Variants in COLEC10 observed in about 807,000 individuals in gnomAD.
COLEC10 encodes the protein collectin-10.
COLEC10 carries 22 observed loss-of-function variants against 28.4 expected under a neutral mutation model. The ratio of observed to expected loss-of-function variants is 0.78; its 90% CI spans 0.55 to 1.11. The LOEUF is 1.11. Ranked by LOEUF, COLEC10 falls within the 50% of genes least tolerant of loss-of-function variation. COLEC10 has a pLI of 0.00. For synonymous variants in COLEC10, 125 were observed against 116.1 expected (o/e 1.08, Z -0.49); for missense variants, 361 against 344.1 (o/e 1.05, Z -0.39).
chr8:119,104,824 C>A (rs746700231), intron 5 of COLEC10, among the ~76,000 whole-genome samples: 1 of 152,074 alleles, frequency 6.6e-6, no homozygotes, highest in African/African-American at 2.4e-5. Context: ...ATGAATAAGC[C>A]AGATCATACA....
At chr8:119,081,648 G>A (rs1815372049) in intron 1 of COLEC10, among the ~76,000 whole-genome samples, 1 of 152,154 alleles carries the variant, frequency 6.6e-6, no homozygotes, top group South Asian at 2.1e-4. Context: ...GGAATAGAAG[G>A]TTGTGCAGCA....
the COLEC10 span, among the ~76,000 whole-genome samples, chr8:118,960,088 G>T: frequency 1.3e-5 from 2 of 152,142 alleles, no homozygotes; most frequent in African/African-American, 4.8e-5. Context: ...AGAAGGGAAT[G>T]GATTCCAGGC....
At chr8:118,966,689 T>C in the COLEC10 span, among the ~76,000 whole-genome samples, 2 of 152,086 alleles carry the variant, frequency 1.3e-5, no homozygotes, top group Non-Finnish European at 2.9e-5. Flanking sequence ...TTTTTTTTTT[T>C]TAAATGACTG....
the COLEC10 span, among the ~76,000 whole-genome samples, chr8:118,956,855 T>TA: frequency 1.3e-5 from 2 of 152,180 alleles, no homozygotes; most frequent in Non-Finnish European, 2.9e-5. Flanking sequence ...CTTCATTAGA[T>TA]AAAAACTCTT....
chr8:119,054,567 G>A (rs548717377), intron 2 of COLEC10, among the ~76,000 whole-genome samples: 4 of 147,288 alleles, frequency 2.7e-5, no homozygotes, highest in Admixed American at 6.6e-5. Flanking sequence ...TGAGCTCGGC[G>A]GTACAATACT....
chr8:118,960,150 G>A, the COLEC10 span, among the ~76,000 whole-genome samples: 1 of 152,134 alleles, frequency 6.6e-6, no homozygotes, highest in Non-Finnish European at 1.5e-5. Flanking sequence ...TTGGGGGTAG[G>A]GGGTGTTGGT....
upstream of COLEC10, among the ~76,000 whole-genome samples, chr8:118,992,248 G>A (rs933860817): frequency 6.6e-6 from 1 of 152,100 alleles, no homozygotes; most frequent in Admixed American, 6.6e-5. Flanking sequence ...CAGTTGAAGT[G>A]AAAGGATCTT....
chr8:118,996,105 G>C (rs1383539613), intron 1 of COLEC10, among the ~76,000 whole-genome samples: 5 of 152,122 alleles, frequency 3.3e-5, no homozygotes, highest in Admixed American at 3.3e-4. Context: ...GACTGTTTTA[G>C]ATAACTCACA....
intron 2 of COLEC10, among the ~76,000 whole-genome samples, chr8:119,058,165 G>C (rs892867354): frequency 7.2e-5 from 11 of 151,862 alleles, no homozygotes; most frequent in African/African-American, 2.7e-4. Context: ...TTGTCTACTT[G>C]ACTATTTCCA....
chr8:119,038,872 C>T (rs1183102108), intron 2 of COLEC10, among the ~76,000 whole-genome samples: 1 of 152,130 alleles, frequency 6.6e-6, no homozygotes, highest in Non-Finnish European at 1.5e-5. Context: ...TTCCCTTCTC[C>T]CACTTGGCTC....
chr8:119,101,242 C>T (rs868780731), intron 3 of COLEC10, among the ~76,000 whole-genome samples: 1 of 152,120 alleles, frequency 6.6e-6, no homozygotes, highest in South Asian at 2.1e-4. Context: ...ATATACCTAG[C>T]CTAGGTGACC....
At chr8:119,010,529 C>T (rs4422806) in intron 2 of COLEC10, among the ~76,000 whole-genome samples, 86,372 of 150,334 alleles carry the variant, frequency 0.57, 26,015 homozygotes, top group Middle Eastern at 0.69. Context: ...TCAAGGAACA[C>T]AATTACTAGA....
In COLEC10 at chr8:119,049,560, G is replaced by A. The variant is rs1236888609; in HGVS notation, n.235+40007G>A. 6.6e-5 allele frequency among the ~76,000 whole-genome samples: 10 copies of A among 151,516 alleles called. No individual in the cohort carries two copies. In the East Asian group the frequency reaches 7.8e-4, roughly 12 times the overall value. The stretch of plus-strand genomic sequence containing the variant: ...CTCCTAAGTAGCTGGGACTATAGGC[G>A]CCCACCACCACACCCGGCTAATTTT... On this transcript the variant is annotated intron_variant and non_coding_transcript_variant, in intron 2 of 6. Coordinates refer to the COLEC10 transcript ENST00000521788.
chr8:119,033,942 G>C lies in COLEC10; in HGVS notation n.235+24389G>C, dbSNP rs538799146. Among the ~76,000 whole-genome samples, 17 of 152,238 alleles carry C rather than the reference G, an allele frequency of 1.1e-4. No individual in the cohort carries two copies. In the South Asian group the frequency reaches 3.3e-3, roughly 30 times the overall value. On this transcript the variant is annotated intron_variant and non_coding_transcript_variant, in intron 2 of 6. Transcript: ENST00000521788. ...CTTTACTATAAAGACACATGCACAT[G>C]TATGTTTATTGCAGCACTGTTCACA...
At chr8:119,013,771 G>A (rs1210516696) in intron 2 of COLEC10, among the ~76,000 whole-genome samples, 6 of 150,464 alleles carry the variant, frequency 4.0e-5, no homozygotes, top group Admixed American at 3.3e-4. Flanking sequence ...TGTTTGTCTG[G>A]AATTCATGTA....
At chr8:119,094,920 T>A (rs912150311) in intron 3 of COLEC10, among the ~76,000 whole-genome samples, 5 of 152,180 alleles carry the variant, frequency 3.3e-5, no homozygotes, top group Non-Finnish European at 5.9e-5. Flanking sequence ...CTGAACACTT[T>A]ATCTCCTGAG....
chr8:119,053,641 A>G (rs1411317439), intron 2 of COLEC10, among the ~76,000 whole-genome samples: 2 of 150,734 alleles, frequency 1.3e-5, no homozygotes, highest in African/African-American at 4.9e-5. Flanking sequence ...GTGTCTCCAG[A>G]TGGTAACAGT....
At chr8:118,986,476 A>T in the COLEC10 span, among the ~76,000 whole-genome samples, 1 of 152,198 alleles carries the variant, frequency 6.6e-6, no homozygotes, top group Admixed American at 6.6e-5. Context: ...CCAAAAGAAC[A>T]TAAAGAGCAT....
At chr8:119,025,577 T>A (rs10090576) in intron 2 of COLEC10, among the ~76,000 whole-genome samples, 1 of 152,084 alleles carries the variant, frequency 6.6e-6, no homozygotes, top group East Asian at 1.9e-4. Flanking sequence ...ATTTTCAGTG[T>A]GGACACCAGG....
Sources: allele counts gnomAD v4.1 joint callset (sites outside exome capture counted in the v4.1 genomes callset), GRCh38; gene constraint gnomAD v4.1.1; transcripts MANE v1.5; gene names NCBI Gene and HGNC (gene_info 2026-07-23, HGNC 2026-07-21).